The following CTNNA2 variants were observed in gnomAD, a reference collection of about 807,000 sequenced individuals.
CTNNA2 encodes the protein catenin alpha 2, also known as catenin alpha-2.
In CTNNA2, 42 loss-of-function variants were observed where a neutral mutation model predicts 101.0. The ratio of observed to expected loss-of-function variants is 0.42; its 90% CI spans 0.32 to 0.54. The LOEUF (loss-of-function observed/expected upper bound fraction) is 0.54, where lower values mean the gene tolerates loss of function less well. CTNNA2 is among the 20% of genes least tolerant of loss of function. The pLI, the probability that CTNNA2 is intolerant of heterozygous loss-of-function variation, is 0.14. For missense variants in CTNNA2, 871 were observed against 1,223.1 expected, an observed-to-expected ratio of 0.71 and a Z score of 4.29; for synonymous variants, 450 against 456.4, an observed-to-expected ratio of 0.99 and a Z score of 0.18.
intron 2 of CTNNA2, among the ~76,000 whole-genome samples, chr2:79,232,105 G>A (rs948939235): frequency 2.0e-5 from 3 of 152,116 alleles, no homozygotes; most frequent in African/African-American, 7.2e-5. Flanking sequence ...TTGAATAGGA[G>A]TAGTAAGAGT....
chr2:80,235,658 G>A (rs1003486223), intron 7 of CTNNA2, among the ~76,000 whole-genome samples: 8 of 152,164 alleles, frequency 5.3e-5, no homozygotes, highest in African/African-American at 1.9e-4. Flanking sequence ...AAAACCCAGA[G>A]GAGCCCTGCC....
At chr2:79,629,768 G>T (rs1040083905) in intron 1 of CTNNA2, among the ~76,000 whole-genome samples, 25 of 152,116 alleles carry the variant, frequency 1.6e-4, no homozygotes, top group African/African-American at 6.0e-4. Flanking sequence ...GTCTGTATGG[G>T]TATATTAATG....
chr2:79,606,763 T>G (rs1020916974), intron 1 of CTNNA2, among the ~76,000 whole-genome samples: 3 of 152,062 alleles, frequency 2.0e-5, no homozygotes, highest in African/African-American at 7.2e-5. Flanking sequence ...TACTATAAAT[T>G]TGAAAGTAGT....
chr2:80,567,415 A>G (rs992919213), intron 12 of CTNNA2, among the ~76,000 whole-genome samples: 3 of 152,118 alleles, frequency 2.0e-5, no homozygotes, highest in Non-Finnish European at 4.4e-5. Flanking sequence ...ATTATGCTTC[A>G]TGGATGTGTG....
intron 4 of CTNNA2, among the ~76,000 whole-genome samples, chr2:79,426,650 C>T (rs1434645828): frequency 1.3e-5 from 2 of 152,082 alleles, no homozygotes. Context: ...TTGATGCCAG[C>T]TTATGGATCT....
chr2:80,317,052 CA>C (rs1426396872), intron 7 of CTNNA2, among the ~76,000 whole-genome samples: 2 of 152,096 alleles, frequency 1.3e-5, no homozygotes, highest in East Asian at 3.9e-4. Context: ...TTTAAAGTGC[CA>C]TGAGATATGC....
chr2:79,923,037 G>A (rs115645797), intron 7 of CTNNA2, among the ~76,000 whole-genome samples: 22 of 152,154 alleles, frequency 1.4e-4, no homozygotes, highest in African/African-American at 5.1e-4. Flanking sequence ...CCAATCTGTA[G>A]GTATCTACAG....
chr2:79,860,623 A>T (rs1681545667), intron 4 of CTNNA2, among the ~76,000 whole-genome samples: 1 of 144,386 alleles, frequency 6.9e-6, no homozygotes, highest in African/African-American at 2.6e-5. Flanking sequence ...TAGTCCTGTC[A>T]GACTGTCAGT....
At chr2:79,896,598 AG>A (rs1684730019) in intron 6 of CTNNA2, among the ~76,000 whole-genome samples, 1 of 152,240 alleles carries the variant, frequency 6.6e-6, no homozygotes. Flanking sequence ...GTGGAGCAGA[AG>A]ATACCGACCT....
chr2:79,657,266 C>A (rs190012596), intron 2 of CTNNA2, among the ~76,000 whole-genome samples: 2 of 151,446 alleles, frequency 1.3e-5, no homozygotes, highest in East Asian at 3.9e-4. Context: ...AAGTAAATCC[C>A]GAAACAAGAA....
intron 7 of CTNNA2, among the ~76,000 whole-genome samples, chr2:80,047,978 G>T (rs1696636968): frequency 6.6e-6 from 1 of 152,150 alleles, no homozygotes; most frequent in South Asian, 2.1e-4. Flanking sequence ...ATGTTTGTGT[G>T]TTTTATTGCC....
rs576105711 is a variant in CTNNA2 at position 79,345,887 on chromosome 2, T to TG, written c.-317-27939dup. Among the ~76,000 whole-genome samples the TG allele has an allele frequency of 2.4e-3, 349 of 143,688 alleles. 3 individuals carry two copies. Among genetic ancestry groups the TG allele is most frequent in the African/African-American group, 8.7e-3 (333 of 38,276 alleles). The allele number at this position is 143,688 out of a possible 152,430, so 94.3% of individuals were successfully genotyped here. A position where few individuals can be genotyped will look rare whatever the true frequency, so the allele number is the denominator to read the frequency against. Reference sequence around the variant, plus strand: ...TTTTTTTTTTTTTTTTTAATACAGATGGGGGTCTCACCATTTTGCCCAGGC... The same window carrying TG: ...TTTTTTTTTTTTTTTTTAATACAGATGGGGGGTCTCACCATTTTGCCCAGGC... On this transcript the variant is annotated intron_variant, in intron 3 of 21. Transcript: ENST00000466387.
At chr2:79,494,275 C>T (rs2104567272) in intron 4 of CTNNA2, among the ~76,000 whole-genome samples, 1 of 82,594 alleles carries the variant, frequency 1.2e-5, no homozygotes, top group African/African-American at 5.2e-5. Context: ...CCCAGCTGCC[C>T]TATTTTTTTT....
chr2:80,214,211 C>T (rs1430065042), intron 7 of CTNNA2, among the ~76,000 whole-genome samples: 5 of 152,114 alleles, frequency 3.3e-5, no homozygotes, highest in South Asian at 2.1e-4. Flanking sequence ...AGCCCATTTA[C>T]ATTTAAGGTT....
intron 3 of CTNNA2, among the ~76,000 whole-genome samples, chr2:79,800,747 G>A (rs985243360): frequency 1.4e-4 from 22 of 152,154 alleles, no homozygotes; most frequent in South Asian, 4.1e-4. Context: ...TAATCTGTAC[G>A]TTTTTTGATA....
intron 7 of CTNNA2, among the ~76,000 whole-genome samples, chr2:80,376,561 G>A (rs761025363): frequency 6.6e-6 from 1 of 151,934 alleles, no homozygotes; most frequent in Non-Finnish European, 1.5e-5. Context: ...CATTACAAAT[G>A]AGTTACAATA....
intron 3 of CTNNA2, among the ~76,000 whole-genome samples, chr2:79,851,737 CTTTTTTTTTTT>C (rs11399192): frequency 2.5e-4 from 22 of 87,124 alleles, no homozygotes; most frequent in Admixed American, 2.2e-3. Context: ...TTTTCTTTTC[CTTTTTTTTTTT>C]TTTTTTTTTT....
intron 7 of CTNNA2, among the ~76,000 whole-genome samples, chr2:79,979,140 A>T (rs960397544): frequency 2.0e-5 from 3 of 152,012 alleles, no homozygotes; most frequent in Admixed American, 2.0e-4. Context: ...AATCCCCGAG[A>T]CTCCAGAGGC....
At chr2:80,394,973 A>AT (rs5832453) in intron 8 of CTNNA2, among the ~76,000 whole-genome samples, 8 of 151,420 alleles carry the variant, frequency 5.3e-5, no homozygotes, top group Non-Finnish European at 8.9e-5. Context: ...TAGTGATTAC[A>AT]TTTTTTTTTA....
Sources: allele counts gnomAD v4.1 joint callset (sites outside exome capture counted in the v4.1 genomes callset), GRCh38; gene constraint gnomAD v4.1.1; transcripts MANE v1.5; gene names NCBI Gene and HGNC (gene_info 2026-07-23, HGNC 2026-07-21).